The following KCNH7 variants were observed in gnomAD, a reference collection of about 807,000 sequenced individuals.
KCNH7 encodes the protein voltage-gated inwardly rectifying potassium channel KCNH7.
KCNH7 carries 49 observed loss-of-function variants against 120.8 expected under a neutral mutation model. That is an observed-to-expected ratio of 0.41 (90% CI 0.32 to 0.51). The LOEUF (loss-of-function observed/expected upper bound fraction) is 0.51. KCNH7 is among the 20% of genes least tolerant of loss of function. The pLI is 0.38. For missense variants in KCNH7, 1,097 were observed against 1,446.6 expected (o/e 0.76, Z 3.92); for synonymous variants, 547 against 516.1 (o/e 1.06, Z -0.81).
chr2:162,728,596 C>T (rs559573001), intron 2 of KCNH7, among the ~76,000 whole-genome samples: 4 of 152,100 alleles, frequency 2.6e-5, no homozygotes, highest in East Asian at 3.9e-4. Flanking sequence ...CTGACCAACA[C>T]GGAGAAACCC....
At chr2:162,746,717 A>G (rs1688327999) in intron 2 of KCNH7, among the ~76,000 whole-genome samples, 4 of 152,286 alleles carry the variant, frequency 2.6e-5, no homozygotes, top group Middle Eastern at 6.8e-3. Context: ...AATATGGTGT[A>G]AACTATGAGT....
intron 2 of KCNH7, among the ~76,000 whole-genome samples, chr2:162,753,674 T>A (rs1354219721): frequency 6.6e-6 from 1 of 152,162 alleles, no homozygotes; most frequent in Non-Finnish European, 1.5e-5. Context: ...GTTGGGATCC[T>A]AGAGGAGTTG....
intron 2 of KCNH7, among the ~76,000 whole-genome samples, chr2:162,753,827 T>C (rs898699067): frequency 3.9e-5 from 6 of 152,122 alleles, no homozygotes; most frequent in African/African-American, 1.4e-4. Context: ...CTTTTTGCTT[T>C]CTCTTTCTCT....
intron 2 of KCNH7, among the ~76,000 whole-genome samples, chr2:162,787,590 G>A (rs570164419): frequency 1.2e-4 from 18 of 152,300 alleles, no homozygotes; most frequent in East Asian, 7.7e-4. Context: ...CAGCACTACC[G>A]CAGTAGACTG....
chr2:162,748,722 A>G (rs1688401858), intron 2 of KCNH7, among the ~76,000 whole-genome samples: 1 of 152,128 alleles, frequency 6.6e-6, no homozygotes, highest in Non-Finnish European at 1.5e-5. Context: ...CAATGACTCT[A>G]AAGATTATGG....
intron 3 of KCNH7, among the ~76,000 whole-genome samples, chr2:162,529,157 C>G (rs1017006300): frequency 6.6e-6 from 1 of 151,880 alleles, no homozygotes; most frequent in Non-Finnish European, 1.5e-5. Context: ...AAGATATGAG[C>G]TGGAGATACT....
rs561045769 is a variant in KCNH7, at chr2:162,657,670, A to G, written c.308-120590T>C. Among the ~76,000 whole-genome samples the G allele has an allele frequency of 1.3e-5, 2 of 152,074 alleles. 1 individual carries two copies. Among genetic ancestry groups the G allele is most frequent in the African/African-American group, 4.8e-5 (2 of 41,348 alleles). ...ACTGTGTACAGGTTTCTGTGTGGAC[A>G]TATGTTTTCAACTCATTTGGGTATA... On this transcript the variant is annotated intron_variant, in intron 2 of 15. Transcript: ENST00000332142.
chr2:162,414,274 T>C (rs1021650281), intron 9 of KCNH7, among the ~76,000 whole-genome samples: 25 of 151,956 alleles, frequency 1.6e-4, no homozygotes, highest in Non-Finnish European at 2.9e-5. Context: ...AATCTACCCA[T>C]AAATATAAAA....
At chr2:162,727,638 A>G (rs8179831) in intron 2 of KCNH7, among the ~76,000 whole-genome samples, 3,238 of 152,286 alleles carry the variant, frequency 0.021, 71 homozygotes, top group East Asian at 0.11. Context: ...GGATGTTTTT[A>G]GGATTCATCC....
intron 8 of KCNH7, among the ~76,000 whole-genome samples, chr2:162,429,316 C>T (rs996273640): frequency 6.9e-6 from 1 of 144,432 alleles, no homozygotes; most frequent in East Asian, 2.0e-4. Context: ...CCTGCACATT[C>T]ATTGACATTA....
chr2:162,752,928 GAAAAGA>G (rs1574342994), intron 2 of KCNH7, among the ~76,000 whole-genome samples: 2 of 75,536 alleles, frequency 2.6e-5, no homozygotes, highest in East Asian at 1.1e-3. Context: ...GAAAAGAAAA[GAAAAGA>G]AAAGAAAAGA....
chr2:162,774,391 G>A (rs1683162832), intron 2 of KCNH7, among the ~76,000 whole-genome samples: 1 of 152,136 alleles, frequency 6.6e-6, no homozygotes, highest in African/African-American at 2.4e-5. Flanking sequence ...AGAAGGAATT[G>A]GATAGAAACA....
At chr2:162,478,492 G>A (rs1193145094) in intron 6 of KCNH7, among the ~76,000 whole-genome samples, 1 of 152,086 alleles carries the variant, frequency 6.6e-6, no homozygotes, top group Non-Finnish European at 1.5e-5. Context: ...TTTACTCTGT[G>A]ATTCTTCTAA....
chr2:162,800,931 T>G (rs939587198), intron 2 of KCNH7, among the ~76,000 whole-genome samples: 3 of 151,816 alleles, frequency 2.0e-5, no homozygotes, highest in Admixed American at 2.0e-4. Flanking sequence ...GACTTTAAGG[T>G]GATGGTAGTT....
intron 9 of KCNH7, among the ~76,000 whole-genome samples, chr2:162,420,300 C>T (rs1022831784): frequency 3.4e-4 from 52 of 152,106 alleles, no homozygotes; most frequent in African/African-American, 1.2e-3. Context: ...TGCTTGAACC[C>T]AGGAGGTGGA....
intron 2 of KCNH7, among the ~76,000 whole-genome samples, chr2:162,819,944 T>C (rs954534910): frequency 7.3e-5 from 11 of 151,540 alleles, no homozygotes; most frequent in East Asian, 1.9e-4. Context: ...CAGCTGCAAA[T>C]ATAAGCACCC....
intron 9 of KCNH7, among the ~76,000 whole-genome samples, chr2:162,407,068 TA>T (rs1327853494): frequency 6.6e-6 from 1 of 151,970 alleles, no homozygotes; most frequent in Non-Finnish European, 1.5e-5. Context: ...GAAGAAAAAA[TA>T]AGGAAAGATT....
intron 2 of KCNH7, among the ~76,000 whole-genome samples, chr2:162,826,784 A>C (rs1268160080): frequency 1.3e-5 from 2 of 152,122 alleles, no homozygotes; most frequent in Non-Finnish European, 2.9e-5. Context: ...GTCCCTTCAA[A>C]ATGTTCAACA....
rs185038913 is a variant in KCNH7, at chr2:162,702,691, C to T, written c.307+133846G>A. 8.7e-3 allele frequency among the ~76,000 whole-genome samples: 1,328 copies of T among 152,200 alleles called. 10 individuals carry two copies. The highest frequency in any genetic ancestry group is 0.027 in the Middle Eastern group (8 of 294). On this transcript the variant is annotated intron_variant, in intron 2 of 15. Transcript: ENST00000332142. The stretch of plus-strand genomic sequence containing the variant: ...CATTTAAAGCAGTGCGTCTCTAATT[C>T]TCCTTTCTCTCTTAGCACTCTGGTC...
Sources: allele counts gnomAD v4.1 joint callset (sites outside exome capture counted in the v4.1 genomes callset), GRCh38; gene constraint gnomAD v4.1.1; transcripts MANE v1.5; gene names NCBI Gene and HGNC (gene_info 2026-07-23, HGNC 2026-07-21).